SCOC: variants seen among roughly 807,000 people sequenced by gnomAD.
The protein encoded by SCOC is short coiled coil protein.
In SCOC, 7 loss-of-function variants were observed where a neutral mutation model predicts 9.9. The ratio of observed to expected loss-of-function variants is 0.71; its 90% CI spans 0.40 to 1.33. The LOEUF is 1.33. SCOC is among the 40% of genes most tolerant of loss of function. SCOC has a pLI of 0.01. For synonymous variants in SCOC, 19 were observed against 28.2 expected (o/e 0.67, Z 1.03); for missense variants, 66 against 89.7 (o/e 0.74, Z 1.07).
upstream of SCOC, among the ~76,000 whole-genome samples, chr4:140,340,724 C>A (rs1726480052): frequency 6.7e-6 from 1 of 148,292 alleles, no homozygotes; most frequent in African/African-American, 2.5e-5. Flanking sequence ...TAAAAGTGAG[C>A]CTCTTTTCCA....
intron 1 of SCOC, among the ~76,000 whole-genome samples, chr4:140,314,786 C>T (rs763075173): frequency 6.6e-6 from 1 of 152,100 alleles, no homozygotes; most frequent in African/African-American, 2.4e-5. Context: ...GAGAAGTTGG[C>T]CTCAGAAGGC....
At chr4:140,264,576 C>T (rs1450977353) in intron 1 of SCOC, among the ~76,000 whole-genome samples, 4 of 152,114 alleles carry the variant, frequency 2.6e-5, no homozygotes, top group Non-Finnish European at 2.9e-5. Flanking sequence ...TCATTTTGGA[C>T]ATTGGCAGGG....
chr4:140,328,930 T>G (rs935187552), intron 1 of SCOC, among the ~76,000 whole-genome samples: 1 of 152,124 alleles, frequency 6.6e-6, no homozygotes, highest in African/African-American at 2.4e-5. Context: ...TTGAAGCTTT[T>G]GCAGAACCAG....
intron 1 of SCOC, among the ~76,000 whole-genome samples, chr4:140,298,506 G>A (rs1263084505): frequency 6.6e-6 from 1 of 152,180 alleles, no homozygotes; most frequent in Non-Finnish European, 1.5e-5. Flanking sequence ...AACCAAGGTG[G>A]GTAAGGAGGA....
At chr4:140,303,997 A>T (rs1339425135) in intron 1 of SCOC, among the ~76,000 whole-genome samples, 1 of 152,208 alleles carries the variant, frequency 6.6e-6, no homozygotes, top group East Asian at 1.9e-4. Flanking sequence ...TTCAAAGTTG[A>T]TTAAGACATG....
chr4:140,323,699 T>C (rs1214827354), intron 1 of SCOC, among the ~76,000 whole-genome samples: 1 of 152,142 alleles, frequency 6.6e-6, no homozygotes, highest in African/African-American at 2.4e-5. Flanking sequence ...ATACCTAACC[T>C]GAATACTCCA....
intron 1 of SCOC, among the ~76,000 whole-genome samples, chr4:140,275,101 A>G (rs1158758746): frequency 2.0e-5 from 3 of 152,242 alleles, no homozygotes; most frequent in Non-Finnish European, 2.9e-5. Flanking sequence ...ACAAACTAGT[A>G]TGATTGGTCC....
At chr4:140,350,209 T>C (rs1726918117) in intron 2 of SCOC, among the ~76,000 whole-genome samples, 1 of 152,122 alleles carries the variant, frequency 6.6e-6, no homozygotes, top group African/African-American at 2.4e-5. Flanking sequence ...TTAGATTTCC[T>C]TTCTCCTTTC....
rs1728583970 is a variant in SCOC, at chr4:140,381,896, G to A, written c.*792G>A. On this transcript the variant is annotated 3_prime_UTR_variant, in exon 4 of 4. Transcript: ENST00000608372. ...AAAATTTTGAGGAAAAATGGAAATA[G>A]GGTGGAAAAGTACTCGGTAAACAGT... 1.3e-5 allele frequency: 2 copies of A among 152,130 alleles called. No individual in the cohort carries two copies. The highest frequency in any genetic ancestry group is 4.8e-5 in the African/African-American group (2 of 41,430). 9.4% of individuals were successfully genotyped at this position (152,130 alleles called of 1,614,324 possible). A position where few individuals can be genotyped will look rare whatever the true frequency, so the allele number is the denominator to read the frequency against.
At chr4:140,295,145 A>G (rs1407827778) in intron 1 of SCOC, among the ~76,000 whole-genome samples, 1 of 151,586 alleles carries the variant, frequency 6.6e-6, no homozygotes, top group African/African-American at 2.4e-5. Flanking sequence ...AGTGTAGATA[A>G]TTGGGAGATT....
chr4:140,286,877 G>A (rs1731286815), intron 1 of SCOC, among the ~76,000 whole-genome samples: 1 of 152,174 alleles, frequency 6.6e-6, no homozygotes, highest in South Asian at 2.1e-4. Flanking sequence ...TGGGAGGAAA[G>A]TGAGAGAAAG....
At chr4:140,317,626 CTTCT>C (rs1474061285) in intron 1 of SCOC, among the ~76,000 whole-genome samples, 2 of 115,272 alleles carry the variant, frequency 1.7e-5, no homozygotes, top group African/African-American at 4.9e-5. Context: ...AAAGCCCTTC[CTTCT>C]TTTTTTTTTT....
chr4:140,265,645 T>C (rs1297687529), intron 1 of SCOC, among the ~76,000 whole-genome samples: 1 of 152,210 alleles, frequency 6.6e-6, no homozygotes, highest in Non-Finnish European at 1.5e-5. Context: ...CCACATTTGA[T>C]TGATCAAAAT....
At chr4:140,353,569 C>T (rs1727076526) in intron 2 of SCOC, among the ~76,000 whole-genome samples, 1 of 152,108 alleles carries the variant, frequency 6.6e-6, no homozygotes, top group South Asian at 2.1e-4. Flanking sequence ...CGCCACCACG[C>T]CCGGCTAATT....
Position 140,287,656 on chromosome 4 carries a change from A to G in SCOC, c.-19+30246A>G, listed in dbSNP as rs186894276. On this transcript the variant is annotated intron_variant, in intron 1 of 4. Coordinates refer to the SCOC transcript ENST00000394205. ...CATGCCACACAGAGTATGCAGGTAC[A>G]TATACCACATGTCACACATATGTAC... Among the ~76,000 whole-genome samples, 54 of 152,240 alleles carry G rather than the reference A, an allele frequency of 3.5e-4. No individual in the cohort carries two copies. The East Asian group carries it at 9.8e-3, about 28-fold the overall frequency.
chr4:140,348,724 T>C (rs1206304916), intron 2 of SCOC, among the ~76,000 whole-genome samples: 2 of 152,170 alleles, frequency 1.3e-5, no homozygotes, highest in Non-Finnish European at 2.9e-5. Flanking sequence ...CCTTTGGATA[T>C]ATACCAGTAG....
chr4:140,362,315 T>TTTTTTTG, intron 2 of SCOC, among the ~76,000 whole-genome samples: 1 of 82,104 alleles, frequency 1.2e-5, no homozygotes, highest in Non-Finnish European at 2.7e-5. Flanking sequence ...TTTTTTTTTT[T>TTTTTTTG]GTGAGAGTCT....
chr4:140,268,925 A>C (rs546190689), intron 1 of SCOC, among the ~76,000 whole-genome samples: 6 of 152,156 alleles, frequency 3.9e-5, no homozygotes, highest in Non-Finnish European at 8.8e-5. Flanking sequence ...AGAGCATTTC[A>C]TTGTGGGTTT....
rs117508148 is a variant in SCOC at position 140,259,858 on chromosome 4, C to T, written c.-19+2448C>T. 3.3e-3 allele frequency among the ~76,000 whole-genome samples: 505 copies of T among 152,298 alleles called. 18 individuals are homozygous for T. The East Asian group carries it at 0.08, about 24-fold the overall frequency. ...CTCTTCAATTTACTCATCTATTTCC[C>T]GCCATTCTTGATTAAACCTCTACTC... is the stretch of plus-strand genomic sequence containing the variant. On this transcript the variant is annotated intron_variant, in intron 1 of 4. Coordinates refer to the SCOC transcript ENST00000394205.
Sources: gnomAD v4.1 joint callset for allele counts (sites outside exome capture counted in the v4.1 genomes callset) on GRCh38, gnomAD v4.1.1 for gene constraint, MANE v1.5 for transcripts, NCBI Gene and HGNC (gene_info 2026-07-23, HGNC 2026-07-21) for gene names.